Variants in FSCN3 observed in about 807,000 individuals in gnomAD.
FSCN3 encodes fascin actin-bundling protein 3.
FSCN3 carries 43 observed loss-of-function variants against 53.5 expected under a neutral mutation model. The observed-to-expected ratio is 0.80, with a 90% CI of 0.63 to 1.04. The LOEUF is 1.04. Among genes scored for constraint, FSCN3 ranks in the 50% least tolerant of loss-of-function variants. The pLI is 0.00. For synonymous variants in FSCN3, 235 were observed against 246.6 expected, an observed-to-expected ratio of 0.95 and a Z score of 0.44; for missense variants, 594 against 646.5, an observed-to-expected ratio of 0.92 and a Z score of 0.88.
rs558788246 is a variant in FSCN3, at chr7:127,594,063, C to T, written c.144+66C>T. 1.5e-4 allele frequency: 229 copies of T among 1,531,752 alleles called. 1 individual carries two copies. Among genetic ancestry groups the T allele is most frequent in the South Asian group, 8.0e-4 (68 of 85,158 alleles). The allele number at this position is 1,531,752 out of a possible 1,614,324, so 94.9% of individuals were successfully genotyped here. On this transcript the variant is annotated intron_variant, in intron 1 of 6. Transcript: ENST00000265825. Reference sequence around the variant, plus strand: ...GCCAAGCTGTGTGTGTGTGTGTGCGCGCGCGCGTGTGTGTGCGTGAGTGTA... The same window carrying T: ...GCCAAGCTGTGTGTGTGTGTGTGCGTGCGCGCGTGTGTGTGCGTGAGTGTA...
At chr7:127,600,655 G>A (rs1794459833) in intron 6 of FSCN3, among the ~76,000 whole-genome samples, 1 of 152,182 alleles carries the variant, frequency 6.6e-6, no homozygotes, top group Non-Finnish European at 1.5e-5. Context: ...TTGGAAGCAC[G>A]CTTGGAGGGG....
intron 4 of FSCN3, among the ~76,000 whole-genome samples, 191 bp from the exon 5 acceptor site, chr7:127,599,190 G>A (rs1158001981): frequency 1.3e-5 from 2 of 152,116 alleles, no homozygotes; most frequent in Admixed American, 6.5e-5. Context: ...AGCTTCTTGG[G>A]TTTCGCATGT....
chr7:127,602,003 A>G lies in FSCN3; in HGVS notation c.*381A>G, dbSNP rs552063026. 9 of 152,238 alleles carry G rather than the reference A, an allele frequency of 5.9e-5. No individual in the cohort carries two copies. The highest frequency in any genetic ancestry group is 8.8e-5 in the Non-Finnish European group (6 of 68,064). The allele number at this position is 152,238 out of a possible 1,614,324, so 9.4% of individuals were successfully genotyped here. A position where few individuals can be genotyped will look rare whatever the true frequency, so the allele number is the denominator to read the frequency against. On this transcript the variant is annotated 3_prime_UTR_variant, in exon 7 of 7. Transcript: ENST00000265825. ...CATTGCCCTGAAGGGTTTAGAATCC[A>G]GTTATGACTTTAAATATCTTTTTGG...
chr7:127,594,639 G>T (rs754014810), intron 1 of FSCN3: 69 of 471,070 alleles, frequency 1.5e-4, no homozygotes, highest in Non-Finnish European at 2.5e-4. Flanking sequence ...CAAAGCCTAT[G>T]TTTCTGTTCT....
In FSCN3 at chr7:127,596,607, A is replaced by AC. The variant is rs1794393380; in HGVS notation, c.960+161_960+162insC. ...TTCACCCAATGGGGGCTCCTTTAAA[A>AC]AAAAAAAACAAAAATCAACTTTATT... On this transcript the variant is annotated intron_variant, in intron 3 of 6. Transcript: ENST00000265825. 3 of 428,456 alleles carry AC rather than the reference A, an allele frequency of 7.0e-6. No individual in the cohort carries two copies. In the Admixed American group the frequency reaches 1.2e-4, roughly 17 times the overall value. 26.5% of individuals were successfully genotyped at this position (428,456 alleles called of 1,614,324 possible). A position where few individuals can be genotyped will look rare whatever the true frequency, so the allele number is the denominator to read the frequency against.
chr7:127,600,329 G>A lies in FSCN3; in HGVS notation c.1427G>A (p.Arg476Gln), dbSNP rs772880479. 25 of 1,613,300 alleles carry A rather than the reference G, an allele frequency of 1.5e-5. No homozygotes were observed. The highest frequency in any genetic ancestry group is 1.1e-4 in the African/African-American group (8 of 74,914). The part of the protein sequence containing the change: ...TVLAPNGFYM[R>Q]ADQSGTLLAD... ...CTGGCCCCCAATGGCTTCTACATGCGAGCCGACCAAAGTGGCACCCTGTTG... is the reference window on the plus strand; with the variant it reads ...CTGGCCCCCAATGGCTTCTACATGCAAGCCGACCAAAGTGGCACCCTGTTG... Residue 476 changes from arginine (R) to glutamine (Q), a missense_variant, in exon 6 of 7, where the codon CGA becomes CAA. Transcript: ENST00000265825.
At position 127,596,590 on chromosome 7, in the gene FSCN3, A is replaced by G. The variant is rs145974797; in HGVS notation, c.960+144A>G. On this transcript the variant is annotated intron_variant, in intron 3 of 6. Transcript: ENST00000265825. ...GTTGATAAACATTCATTTTCACCCA[A>G]TGGGGGCTCCTTTAAAAAAAAAAAA... is the stretch of plus-strand genomic sequence containing the variant. 1.8e-3 allele frequency: 834 copies of G among 465,992 alleles called. 7 individuals are homozygous for G. Among genetic ancestry groups the G allele is most frequent in the African/African-American group, 0.015 (758 of 50,330 alleles). 28.9% of individuals were successfully genotyped at this position (465,992 alleles called of 1,614,324 possible).
chr7:127,598,800 A>C (rs1291831286), intron 4 of FSCN3, among the ~76,000 whole-genome samples: 12 of 152,142 alleles, frequency 7.9e-5, no homozygotes, highest in Non-Finnish European at 1.0e-4. Context: ...TCTCTACTAA[A>C]GATACAAAAA....
chr7:127,597,569 C>T (rs1301975156), intron 3 of FSCN3, among the ~76,000 whole-genome samples: 1 of 151,722 alleles, frequency 6.6e-6, no homozygotes, highest in African/African-American at 2.4e-5. Context: ...ACCTCCGCTT[C>T]CTGGGTTCAA....
Position 127,595,444 on chromosome 7 carries a change from C to T in FSCN3, c.282C>T (p.Cys94=), listed in dbSNP as rs773976456. Reference sequence around the variant, plus strand: ...GCCCAAGGACCAGCCACCATGGGTGCTTTCTACTGCGTTTCCACCGGAACA... The same window carrying T: ...GCCCAAGGACCAGCCACCATGGGTGTTTTCTACTGCGTTTCCACCGGAACA... ...YGRPRTSHHG[C]FLLRFHRNSK... Residue 94 remains cysteine (C), a synonymous_variant, in exon 2 of 7, where the codon TGC becomes TGT. Transcript: ENST00000265825. The T allele has an allele frequency of 1.9e-6, 3 of 1,614,174 alleles. No homozygotes were observed. In the Admixed American group the frequency reaches 5.0e-5, roughly 27 times the overall value.
intron 3 of FSCN3, 136 bp from the exon 4 acceptor site, chr7:127,598,299 G>A: frequency 1.2e-6 from 1 of 807,804 alleles, no homozygotes; most frequent in Non-Finnish European, 2.1e-6. Flanking sequence ...AAAAGGTTCT[G>A]AAAGCATCAA....
At position 127,595,803 on chromosome 7, in the gene FSCN3, C is replaced by G; in HGVS notation, c.641C>G (p.Ala214Gly). 6.2e-7 allele frequency: 1 copy of G among 1,613,606 alleles called. No individual in the cohort carries two copies. The highest frequency in any genetic ancestry group is 8.5e-7 in the Non-Finnish European group (1 of 1,179,662). ...RLFSQPSSQT[A>G]FHMQVRPGGL... ...TTCTCCCAACCCTCATCACAGACAG[C>G]TTTTCACATGCAAGTGCGGCCTGGA... The change falls in exon 2 of 7, where the codon GCT (alanine) becomes GGT (glycine). Residue 214 changes from alanine to glycine, a missense_variant. Physicochemically the swap from Ala to Gly is moderately conservative, Grantham distance 60. Coordinates refer to ENST00000265825, the MANE Select transcript of FSCN3 (RefSeq NM_020369.3).
chr7:127,595,728 A>G lies in FSCN3; in HGVS notation c.566A>G (p.Tyr189Cys). 6.2e-7 allele frequency: 1 copy of G among 1,613,542 alleles called. No individual in the cohort carries two copies. Among genetic ancestry groups the G allele is most frequent in the Non-Finnish European group, 8.5e-7 (1 of 1,179,732 alleles). Reference protein sequence around the residue: ...GFLLHFRDGCYHLETSTHHFL... With the variant: ...GFLLHFRDGCCHLETSTHHFL... ...CTGTTGCATTTCCGAGATGGATGCT[A>G]CCACCTGGAGACCTCTACACACCAC... Residue 189 changes from tyrosine to cysteine, a missense_variant, in exon 2 of 7, where the codon TAC (tyrosine) becomes TGC (cysteine). Physicochemically the swap from Tyr to Cys is radical, Grantham distance 194 (BLOSUM62 -2). Transcript: ENST00000265825.
chr7:127,596,120 C>G, intron 2 of FSCN3, 117 bp downstream of exon 2: 1 of 1,482,160 alleles, frequency 6.7e-7, no homozygotes, highest in Non-Finnish European at 8.9e-7. Context: ...TCCTGGGGAC[C>G]CAAGGGGATC....
chr7:127,599,653 A>C, intron 5 of FSCN3, 102 bp downstream of exon 5: 1 of 1,150,236 alleles, frequency 8.7e-7, no homozygotes, highest in Non-Finnish European at 1.2e-6. Flanking sequence ...CTCATTATAA[A>C]AGGAAAAACA....
At position 127,593,773 on chromosome 7, in the gene FSCN3, T is replaced by A; in HGVS notation, c.-81T>A. The A allele has an allele frequency of 5.4e-6, 8 of 1,472,828 alleles. No individual in the cohort carries two copies. The highest frequency in any genetic ancestry group is 2.0e-4 in the Middle Eastern group (1 of 5,016). 91.2% of individuals were successfully genotyped at this position (1,472,828 alleles called of 1,614,324 possible). A position where few individuals can be genotyped will look rare whatever the true frequency, so the allele number is the denominator to read the frequency against. ...ATCTGGTGGGTACTACAGGCCCTAT[T>A]CCAGGCCCTATGGCCTGTGGAACCT... On this transcript the variant is annotated 5_prime_UTR_variant, in exon 1 of 7. Transcript: ENST00000265825.
In FSCN3 at chr7:127,596,339, C is replaced by T. The variant is rs148605578; in HGVS notation, c.853C>T (p.Arg285Cys). 15 of 1,607,776 alleles carry T rather than the reference C, an allele frequency of 9.3e-6. No individual in the cohort carries two copies. The African/African-American group carries it at 1.1e-4, about 11-fold the overall frequency. ...FISVIYDGEV[R>C]AASERLNRMS... ...CGCTTCCTCTGCAGATGGTGAGGTGCGTGCTGCTTCTGAGCGCTTAAACCG... is the reference window on the plus strand; with the variant it reads ...CGCTTCCTCTGCAGATGGTGAGGTGTGTGCTGCTTCTGAGCGCTTAAACCG... Residue 285 changes from arginine (R) to cysteine (C), a missense_variant, in exon 3 of 7, where the codon CGT becomes TGT. Coordinates refer to ENST00000265825, the MANE Select transcript of FSCN3 (RefSeq NM_020369.3).
At chr7:127,595,041 T>C in intron 1 of FSCN3, 1 of 570,818 alleles carries the variant, frequency 1.8e-6, no homozygotes, top group South Asian at 2.0e-5. Flanking sequence ...TTACCTTCTG[T>C]TAGCTGAAGG....
In FSCN3 at chr7:127,595,716, G is replaced by A. The variant is rs754125478; in HGVS notation, c.554G>A (p.Arg185Gln). 15 of 1,613,476 alleles carry A rather than the reference G, an allele frequency of 9.3e-6. No homozygotes were observed. The highest frequency in any genetic ancestry group is 3.3e-5 in the South Asian group (3 of 91,054). The change falls in exon 2 of 7, where the codon CGA becomes CAA. Residue 185 changes from arginine (R) to glutamine (Q), a missense_variant. Transcript: ENST00000265825. ...LEECGFLLHF[R>Q]DGCYHLETST... ...GAGTGTGGCTTCCTGTTGCATTTCC[G>A]AGATGGATGCTACCACCTGGAGACC...
Sources: gnomAD v4.1 joint callset for allele counts (sites outside exome capture counted in the v4.1 genomes callset) on GRCh38, gnomAD v4.1.1 for gene constraint, MANE v1.5 for transcripts, NCBI Gene and HGNC (gene_info 2026-07-23, HGNC 2026-07-21) for gene names.